SLC26A9: variants seen among roughly 807,000 people sequenced by gnomAD.
SLC26A9 encodes the protein anion transporter/exchanger protein 9.
A neutral mutation model predicts 87.1 loss-of-function variants in SLC26A9; 46 were observed. That is an observed-to-expected ratio of 0.53 (90% CI 0.42 to 0.67). SLC26A9 has a LOEUF of 0.67. SLC26A9 is among the 30% of genes least tolerant of loss of function. The probability of loss-of-function intolerance (pLI) is 0.00; values close to 1 mark genes in which losing one functional copy is unlikely to be tolerated. For missense variants in SLC26A9, 927 were observed against 1,018.3 expected, an observed-to-expected ratio of 0.91 and a Z score of 1.22; for synonymous variants, 437 against 409.1, an observed-to-expected ratio of 1.07 and a Z score of -0.82.
chr1:205,920,217 T>A lies in SLC26A9; in HGVS notation c.2069A>T (p.Tyr690Phe), dbSNP rs958648486. ...IKALAKLSST[Y>F]GKIGVKVFLV... ...GAAGACCTTCACGCCGATCTTCCCA[T>A]AGGTGGAGCTCAGCTAGAAGTGTTG... The change falls in exon 18 of 21, where the codon TAT becomes TTT. Residue 690 changes from tyrosine (Y) to phenylalanine (F), a missense_variant. Physicochemically the swap from Tyr to Phe is conservative, Grantham distance 22. Transcript: ENST00000367135. The A allele has an allele frequency of 6.2e-7, 1 of 1,613,846 alleles. No homozygotes were observed. The highest frequency in any genetic ancestry group is 1.3e-5 in the African/African-American group (1 of 74,906).
chr1:205,921,655 C>T lies in SLC26A9; in HGVS notation c.1966G>A (p.Val656Ile), dbSNP rs138933890. ...PGEPSDMLAS[V>I]PPFVTFHTLI... is the part of the protein sequence containing the mutation. Reference sequence around the variant, plus strand: ...GTGTGGAAGGTGACGAAGGGTGGGACGCTGGCCAGCATGTCACTGGGCTCG... The same window carrying T: ...GTGTGGAAGGTGACGAAGGGTGGGATGCTGGCCAGCATGTCACTGGGCTCG... Residue 656 changes from valine to isoleucine, a missense_variant, in exon 17 of 21, where the codon GTC becomes ATC. Transcript: ENST00000367135. 30 of 1,605,754 alleles carry T rather than the reference C, an allele frequency of 1.9e-5. No individual in the cohort carries two copies. The highest frequency in any genetic ancestry group is 4.0e-5 in the African/African-American group (3 of 74,684).
chr1:205,926,659 C>G (rs1368489567), intron 11 of SLC26A9, 29 bp from the exon 12 acceptor site: 1 of 1,593,964 alleles, frequency 6.3e-7, no homozygotes, highest in Non-Finnish European at 8.6e-7. Flanking sequence ...GCTCCAGGAC[C>G]CCAGGGTCTC....
At chr1:205,916,735 A>G (rs1316032765) in intron 20 of SLC26A9, among the ~76,000 whole-genome samples, 1 of 152,216 alleles carries the variant, frequency 6.6e-6, no homozygotes, top group Non-Finnish European at 1.5e-5. Flanking sequence ...GAGAATAAGA[A>G]TAGATACTGG....
At chr1:205,935,879 C>T (rs1182004016) in intron 1 of SLC26A9, 41 bp from the exon 2 acceptor site, 1 of 1,571,934 alleles carries the variant, frequency 6.4e-7, no homozygotes, top group Non-Finnish European at 8.6e-7. Context: ...GGGAACATCC[C>T]TCCCTAGTGC....
intron 1 of SLC26A9, among the ~76,000 whole-genome samples, chr1:205,938,266 G>GTTTC: frequency 6.8e-6 from 1 of 147,508 alleles, no homozygotes; most frequent in South Asian, 2.2e-4. Context: ...TTCCTCCCTC[G>GTTTC]CTTCCTTCCT....
intron 5 of SLC26A9, among the ~76,000 whole-genome samples, chr1:205,931,116 C>T (rs921766416): frequency 6.6e-5 from 10 of 152,140 alleles, no homozygotes; most frequent in Admixed American, 2.0e-4. Context: ...TCATGTTGTG[C>T]TTCCCTTCAT....
chr1:205,919,714 A>G (rs748753605), intron 18 of SLC26A9, among the ~76,000 whole-genome samples: 25 of 152,180 alleles, frequency 1.6e-4, no homozygotes, highest in Non-Finnish European at 3.4e-4. Flanking sequence ...TGGAGGCTGT[A>G]TGCCTACAAA....
In SLC26A9 at chr1:205,925,332, A is replaced by G. The variant is rs147150389; in HGVS notation, c.1390-843T>C. On this transcript the variant is annotated intron_variant, in intron 12 of 20. Transcript: ENST00000367135. ...TGGTTTTGTGTGTGGGTAGGGGGCA[A>G]CATTGGGTGAAGTTTTGATAGTTGC... 2.9e-3 allele frequency among the ~76,000 whole-genome samples: 435 copies of G among 152,262 alleles called. 6 individuals are homozygous for G. The highest frequency in any genetic ancestry group is 9.3e-3 in the African/African-American group (387 of 41,538).
intron 20 of SLC26A9, among the ~76,000 whole-genome samples, chr1:205,915,636 T>C (rs1002281429): frequency 2.0e-5 from 3 of 151,978 alleles, no homozygotes; most frequent in African/African-American, 4.8e-5. Context: ...GAAATCTACA[T>C]GTGAATCACC....
chr1:205,930,067 GA>G lies in SLC26A9; in HGVS notation c.553-12del. 4 of 1,585,922 alleles carry G rather than the reference GA, an allele frequency of 2.5e-6. No homozygotes were observed. The highest frequency in any genetic ancestry group is 3.5e-6 in the Non-Finnish European group (4 of 1,158,400). On this transcript the variant is annotated splice_polypyrimidine_tract_variant and intron_variant, in intron 5 of 20. Coordinates refer to ENST00000367135, the MANE Select transcript of SLC26A9 (RefSeq NM_052934.4). ...GAAGCCCAGACCCATCTGAGAGGAGGAAAAGGGTGGTTGGTGGCGGAAGACC... is the reference window on the plus strand; with the variant it reads ...GAAGCCCAGACCCATCTGAGAGGAGGAAAGGGTGGTTGGTGGCGGAAGACC...
chr1:205,921,923 C>A, intron 16 of SLC26A9, 76 bp from the exon 17 acceptor site: 1 of 1,515,176 alleles, frequency 6.6e-7, no homozygotes, highest in Non-Finnish European at 8.9e-7. Context: ...GAAGCAGGGG[C>A]ATGGAGGGTG....
chr1:205,927,434 T>C (rs1418703597), intron 10 of SLC26A9, 58 bp downstream of exon 10: 4 of 1,582,288 alleles, frequency 2.5e-6, no homozygotes, highest in African/African-American at 1.4e-5. Context: ...TGCCCAGGCT[T>C]TTTTGGGGCA....
intron 18 of SLC26A9, among the ~76,000 whole-genome samples, chr1:205,919,437 C>T (rs1403995651): frequency 6.6e-6 from 1 of 152,144 alleles, no homozygotes; most frequent in Non-Finnish European, 1.5e-5. Context: ...GAATCCACTG[C>T]TTCTAACTCC....
chr1:205,927,809 A>T (rs773058985), intron 9 of SLC26A9, 93 bp downstream of exon 9: 5 of 1,549,110 alleles, frequency 3.2e-6, no homozygotes, highest in Non-Finnish European at 4.4e-6. Context: ...AGCCTGCCTC[A>T]CCTCAGCCCA....
rs1387791938 is a variant in SLC26A9, at chr1:205,929,901, G to A, written c.708C>T (p.Ser236=). 3 of 1,593,224 alleles carry A rather than the reference G, an allele frequency of 1.9e-6. No homozygotes were observed. The South Asian group carries it at 3.3e-5, about 18-fold the overall frequency. ...GCATCCCCAGACTCACAAAGACGAT[G>A]GACCCTGGGCCTGTGTAGGAGGGGA... ...LTIPSYTGPG[S]IVFTFIDICK... The change falls in exon 6 of 21, where the codon TCC becomes TCT. Residue 236 remains serine (S), a synonymous_variant. Transcript: ENST00000367135.
chr1:205,936,405 T>C (rs766431828), intron 1 of SLC26A9, among the ~76,000 whole-genome samples: 4 of 152,178 alleles, frequency 2.6e-5, no homozygotes, highest in Non-Finnish European at 5.9e-5. Context: ...GACAATGGTG[T>C]GTGTGGGGAA....
chr1:205,923,288 G>C (rs1030036172), intron 15 of SLC26A9, 47 bp downstream of exon 15: 2 of 1,612,074 alleles, frequency 1.2e-6, no homozygotes, highest in African/African-American at 1.3e-5. Flanking sequence ...TCCATTTTCC[G>C]GCCACTCTCT....
intron 11 of SLC26A9, among the ~76,000 whole-genome samples, chr1:205,926,887 C>T (rs771336948): frequency 5.9e-5 from 9 of 152,190 alleles, no homozygotes; most frequent in Non-Finnish European, 1.0e-4. Context: ...GCCCTCCTAG[C>T]TGGGCTATAT....
chr1:205,923,005 G>A (rs1658904846), intron 16 of SLC26A9, 77 bp downstream of exon 16: 3 of 1,408,262 alleles, frequency 2.1e-6, no homozygotes, highest in African/African-American at 1.4e-5. Flanking sequence ...GGGCCCCCAG[G>A]GTACCATGAG....
Sources: allele counts gnomAD v4.1 joint callset (sites outside exome capture counted in the v4.1 genomes callset), GRCh38; gene constraint gnomAD v4.1.1; transcripts MANE v1.5; gene names NCBI Gene and HGNC (gene_info 2026-07-23, HGNC 2026-07-21).